Variants in NOL8 observed in about 807,000 individuals in gnomAD.
NOL8 encodes the protein nucleolar protein Nop132.
Under a neutral mutation model 116.1 loss-of-function variants are expected in NOL8, and 93 were observed. The ratio of observed to expected loss-of-function variants is 0.80; its 90% CI spans 0.68 to 0.95. The LOEUF is 0.95. NOL8 is among the 40% of genes least tolerant of loss of function. The pLI, the probability that NOL8 is intolerant of heterozygous loss-of-function variation, is 0.00. For missense variants in NOL8, 1,291 were observed against 1,382.8 expected (o/e 0.93, Z 1.05); for synonymous variants, 419 against 469.0 (o/e 0.89, Z 1.38).
intron 10 of NOL8, among the ~76,000 whole-genome samples, chr9:92,309,953 A>AT (rs1467668622): frequency 6.6e-6 from 1 of 152,044 alleles, no homozygotes. Context: ...GGTGGATGTT[A>AT]TTTTTTCCTT....
intron 14 of NOL8, 118 bp downstream of exon 14, chr9:92,299,769 TAAA>T (rs1006002494): frequency 3.8e-6 from 4 of 1,064,520 alleles, no homozygotes; most frequent in African/African-American, 1.6e-5. Flanking sequence ...AAAAATAAAA[TAAA>T]AAAAGAAGCT....
intron 6 of NOL8, among the ~76,000 whole-genome samples, chr9:92,317,896 G>A (rs977020940): frequency 6.6e-6 from 1 of 151,614 alleles, no homozygotes; most frequent in African/African-American, 2.4e-5. Context: ...TTAGCCAGGT[G>A]TGGTGGCACA....
At chr9:92,300,773 G>T in intron 13 of NOL8, 1 of 1,175,556 alleles carries the variant, frequency 8.5e-7, no homozygotes, top group Non-Finnish European at 1.1e-6. Context: ...AACCGAGATT[G>T]CACCACTGCA....
intron 6 of NOL8, among the ~76,000 whole-genome samples, chr9:92,318,256 C>G (rs1289951454): frequency 6.6e-6 from 1 of 152,044 alleles, no homozygotes; most frequent in Non-Finnish European, 1.5e-5. Context: ...GACTACTTCC[C>G]ATCACTTCTT....
chr9:92,315,488 T>C lies in NOL8; in HGVS notation c.1137A>G (p.Gly379=). 1 of 1,608,010 alleles carries C rather than the reference T, an allele frequency of 6.2e-7. No individual in the cohort carries two copies. The highest frequency in any genetic ancestry group is 8.5e-7 in the Non-Finnish European group (1 of 1,176,904). Reference sequence around the variant, plus strand: ...TCATCGCAATAATTTCATCTGTATCTCCTGAGTCATACTCACGATCATTTC... The same window carrying C: ...TCATCGCAATAATTTCATCTGTATCCCCTGAGTCATACTCACGATCATTTC... ...IMRNDREYDS[G]DTDEIIAMKK... The change falls in exon 7 of 17, where the codon GGA becomes GGG. Residue 379 remains glycine, a synonymous_variant. Coordinates refer to ENST00000442668, the MANE Select transcript of NOL8 (RefSeq NM_017948.6).
intron 13 of NOL8, chr9:92,300,381 A>G: frequency 1.0e-6 from 1 of 990,450 alleles, no homozygotes; most frequent in South Asian, 4.6e-5. Flanking sequence ...ATACAGGGAA[A>G]TCAGGTTTCC....
rs180968644 is a variant in NOL8, at chr9:92,314,844, G to A, written c.1781C>T (p.Ala594Val). ...SMKKSLKDSV[A>V]SNNKDQNSMK... Reference sequence around the variant, plus strand: ...GGAATTCTGATCTTTATTGTTAGAGGCAACACTGTCTTTCAAGGATTTTTT... The same window carrying A: ...GGAATTCTGATCTTTATTGTTAGAGACAACACTGTCTTTCAAGGATTTTTT... Residue 594 changes from alanine to valine, a missense_variant, in exon 7 of 17, where the codon GCC (alanine) becomes GTC (valine). Physicochemically the swap from Ala to Val is moderately conservative, Grantham distance 64 (BLOSUM62 0). Transcript: ENST00000442668. 5.3e-4 allele frequency: 849 copies of A among 1,613,168 alleles called. 9 individuals carry two copies. In the East Asian group the frequency reaches 0.018, roughly 33 times the overall value.
At chr9:92,318,587 T>C (rs1418678991) in intron 6 of NOL8, 31 bp downstream of exon 6, 1 of 1,448,910 alleles carries the variant, frequency 6.9e-7, no homozygotes, top group Non-Finnish European at 9.6e-7. Flanking sequence ...GTCACTGTGG[T>C]AAATAATTAT....
At position 92,301,703 on chromosome 9, in the gene NOL8, C is replaced by A; in HGVS notation, c.3023G>T (p.Ser1008Ile). ...CCAGGGTGTGCCCTCTTCCTTTTCA[C>A]TGGTATATTTTGTAGTTTGGAATAT... ...KEIFQTTKYTSEKEEGTPWNE... is the reference protein window; with the variant it reads ...KEIFQTTKYTIEKEEGTPWNE... The change falls in exon 13 of 17, where the codon AGT becomes ATT. Residue 1008 changes from serine to isoleucine, a missense_variant. Physicochemically the swap from Ser to Ile is moderately radical, Grantham distance 142 (BLOSUM62 -2). Transcript: ENST00000442668. The A allele has an allele frequency of 1.2e-6, 2 of 1,607,600 alleles. No homozygotes were observed. Among genetic ancestry groups the A allele is most frequent in the South Asian group, 2.2e-5 (2 of 89,438 alleles).
intron 10 of NOL8, 23 bp downstream of exon 10, chr9:92,310,148 A>T: frequency 1.3e-6 from 2 of 1,536,210 alleles, no homozygotes. Context: ...TGACATCAGG[A>T]CTCTGGACAA....
chr9:92,298,362 G>A (rs774720824), intron 15 of NOL8, 26 bp from the exon 16 acceptor site: 2 of 1,495,232 alleles, frequency 1.3e-6, no homozygotes, highest in Non-Finnish European at 9.2e-7. Context: ...GAAGAAAGAT[G>A]AGGCAGCAAA....
intron 11 of NOL8, 66 bp downstream of exon 11, chr9:92,306,820 T>C (rs1313552158): frequency 3.5e-5 from 52 of 1,494,906 alleles, no homozygotes; most frequent in Non-Finnish European, 4.7e-5. Flanking sequence ...TAGTTTTAAA[T>C]TGAGTTCAAG....
At chr9:92,318,151 G>A (rs1228929276) in intron 6 of NOL8, among the ~76,000 whole-genome samples, 5 of 151,144 alleles carry the variant, frequency 3.3e-5, no homozygotes, top group South Asian at 4.2e-4. Context: ...CACTGAATAG[G>A]CATTAGAATT....
At chr9:92,298,062 A>G (rs1320504085) in intron 16 of NOL8, among the ~76,000 whole-genome samples, 176 bp from the exon 17 acceptor site, 1 of 152,196 alleles carries the variant, frequency 6.6e-6, no homozygotes, top group African/African-American at 2.4e-5. Flanking sequence ...TATAATGGGA[A>G]CTATAATTCA....
chr9:92,306,836 A>G (rs548770970), intron 11 of NOL8, 50 bp downstream of exon 11: 1 of 1,563,830 alleles, frequency 6.4e-7, no homozygotes, highest in South Asian at 1.2e-5. Context: ...TCAAGAAGAC[A>G]TTTATGGCAA....
chr9:92,324,342 T>C, intron 1 of NOL8, 133 bp from the exon 2 acceptor site: 1 of 747,020 alleles, frequency 1.3e-6, no homozygotes, highest in Non-Finnish European at 2.1e-6. Context: ...TTCCAAATTT[T>C]AGTCTTCGAG....
chr9:92,314,345 C>T lies in NOL8; in HGVS notation c.2280G>A (p.Lys760=). The T allele has an allele frequency of 1.2e-6, 2 of 1,611,914 alleles. No individual in the cohort carries two copies. Among genetic ancestry groups the T allele is most frequent in the Non-Finnish European group, 1.7e-6 (2 of 1,178,232 alleles). Residue 760 remains lysine (K), a synonymous_variant, in exon 7 of 17, where the codon AAG becomes AAA. Transcript: ENST00000442668. The part of the protein sequence containing the change: ...AKDKHAEDNE[K]RLAALEARQK... ...GCCTCGCTTCCAAGGCTGCCAAACG[C>T]TTCTCATTGTCTTCAGCATGCTTAT...
rs772780108 is a variant in NOL8, at chr9:92,314,364, T to G, written c.2261A>C (p.His754Pro). The G allele has an allele frequency of 3.7e-6, 6 of 1,613,324 alleles. No homozygotes were observed. In the East Asian group the frequency reaches 1.3e-4, roughly 36 times the overall value. Reference protein sequence around the residue: ...NSSDVSAKDKHAEDNEKRLAA... With the variant: ...NSSDVSAKDKPAEDNEKRLAA... ...CAAACGCTTCTCATTGTCTTCAGCATGCTTATCTTTAGCACTCACATCTGA... is the reference window on the plus strand; with the variant it reads ...CAAACGCTTCTCATTGTCTTCAGCAGGCTTATCTTTAGCACTCACATCTGA... The change falls in exon 7 of 17, where the codon CAT becomes CCT. Residue 754 changes from histidine (H) to proline (P), a missense_variant. Transcript: ENST00000442668.
At position 92,297,676 on chromosome 9, in the gene NOL8, T is replaced by C; in HGVS notation, c.*160A>G. ...TTACTTAGGAAGAAATGCAGAGGAG[T>C]TCCACAGAAAAAGATGGCAACCAGA... On this transcript the variant is annotated 3_prime_UTR_variant, in exon 17 of 17. Coordinates refer to ENST00000442668, the MANE Select transcript of NOL8 (RefSeq NM_017948.6). The C allele has an allele frequency of 3.4e-6, 2 of 593,280 alleles. No homozygotes were observed. Among genetic ancestry groups the C allele is most frequent in the Non-Finnish European group, 6.0e-6 (2 of 334,130 alleles). The allele number at this position is 593,280 out of a possible 1,614,324, so 36.8% of individuals were successfully genotyped here.
Sources: gnomAD v4.1 joint callset for allele counts (sites outside exome capture counted in the v4.1 genomes callset) on GRCh38, gnomAD v4.1.1 for gene constraint, MANE v1.5 for transcripts, NCBI Gene and HGNC (gene_info 2026-07-23, HGNC 2026-07-21) for gene names.